Variants in TAF3 observed in about 807,000 individuals in gnomAD.
TAF3 encodes TATA-box binding protein associated factor 3.
A neutral mutation model predicts 80.6 loss-of-function variants in TAF3; 7 were observed. The observed-to-expected ratio is 0.09, with a 90% CI of 0.05 to 0.16. The LOEUF (loss-of-function observed/expected upper bound fraction) is 0.16. Among genes scored for constraint, TAF3 ranks in the 10% least tolerant of loss-of-function variants. TAF3 has a pLI of 1.00. For synonymous variants in TAF3, 444 were observed against 446.1 expected (o/e 1.00, Z 0.06); for missense variants, 921 against 1,140.2 (o/e 0.81, Z 2.77).
intron 2 of TAF3, among the ~76,000 whole-genome samples, chr10:7,919,014 G>A (rs1441511185): frequency 6.6e-6 from 1 of 152,090 alleles, no homozygotes. Flanking sequence ...CTCCTCAGAG[G>A]TTTAACAGGA....
chr10:7,999,762 G>A (rs1233442975), intron 4 of TAF3, among the ~76,000 whole-genome samples: 1 of 152,052 alleles, frequency 6.6e-6, no homozygotes, highest in African/African-American at 2.4e-5. Context: ...CAGCCCAAAT[G>A]TATTACTTTA....
chr10:7,884,819 A>G (rs1002136480), intron 2 of TAF3, among the ~76,000 whole-genome samples: 3 of 152,098 alleles, frequency 2.0e-5, no homozygotes, highest in Non-Finnish European at 4.4e-5. Context: ...ACATACATCT[A>G]TGTCTATTTC....
chr10:7,920,985 T>A (rs1837757516), intron 2 of TAF3, among the ~76,000 whole-genome samples: 1 of 152,186 alleles, frequency 6.6e-6, no homozygotes, highest in African/African-American at 2.4e-5. Context: ...CCAGCCAATC[T>A]GGAGGATATT....
intron 2 of TAF3, among the ~76,000 whole-genome samples, chr10:7,844,459 C>T (rs1352518355): frequency 2.7e-5 from 4 of 150,708 alleles, no homozygotes; most frequent in Non-Finnish European, 5.9e-5. Context: ...TCACTGCAAC[C>T]TCCGCCTCCT....
chr10:7,831,557 G>A (rs1479106036), intron 2 of TAF3, among the ~76,000 whole-genome samples: 1 of 152,152 alleles, frequency 6.6e-6, no homozygotes, highest in Non-Finnish European at 1.5e-5. Context: ...TGTTGGCCAG[G>A]CTGGTCTTGA....
intron 2 of TAF3, among the ~76,000 whole-genome samples, chr10:7,879,097 G>T (rs1184444337): frequency 2.0e-5 from 3 of 152,120 alleles, no homozygotes; most frequent in Non-Finnish European, 4.4e-5. Context: ...GAAGCTAAGA[G>T]TTTAAAAATT....
At position 8,013,870 on chromosome 10, in the gene TAF3, C is replaced by A. The variant is rs768354092; in HGVS notation, c.2675+33C>A. On this transcript the variant is annotated intron_variant, in intron 6 of 6. Coordinates refer to ENST00000344293, the MANE Select transcript of TAF3 (RefSeq NM_031923.4). ...CCCAGGGCGCCCTGCCGGCCACACT[C>A]ATTAGGCAGCATCAGCCGCTCCTGA... 3 of 1,561,564 alleles carry A rather than the reference C, an allele frequency of 1.9e-6. No homozygotes were observed. In the African/African-American group the frequency reaches 4.1e-5, roughly 21 times the overall value.
At chr10:7,851,874 T>G (rs1369862216) in intron 2 of TAF3, among the ~76,000 whole-genome samples, 1 of 151,914 alleles carries the variant, frequency 6.6e-6, no homozygotes, top group Non-Finnish European at 1.5e-5. Context: ...AGCCTCAAAC[T>G]CCCAGGCTTT....
At chr10:7,987,003 G>T (rs563274916) in intron 4 of TAF3, among the ~76,000 whole-genome samples, 1 of 152,032 alleles carries the variant, frequency 6.6e-6, no homozygotes, top group African/African-American at 2.4e-5. Context: ...TGACTGTGCC[G>T]TGTGTATTTC....
intron 2 of TAF3, among the ~76,000 whole-genome samples, chr10:7,863,644 TATACACACACAC>T (rs1564350823): frequency 1.3e-4 from 15 of 119,400 alleles, no homozygotes; most frequent in East Asian, 3.5e-4. Context: ...TATATATATA[TATACACACACAC>T]ATATATATAT....
chr10:7,871,766 CATT>C (rs2131146050), intron 2 of TAF3, among the ~76,000 whole-genome samples: 2 of 152,210 alleles, frequency 1.3e-5, no homozygotes, highest in African/African-American at 4.8e-5. Flanking sequence ...TTTGACATGA[CATT>C]ATATGCATGA....
At position 7,971,609 on chromosome 10, in the gene TAF3, ATAGAAT is replaced by A. The variant is rs1180943662; in HGVS notation, c.2233-5630_2233-5625del. Among the ~76,000 whole-genome samples the A allele has an allele frequency of 2.0e-5, 3 of 152,230 alleles. No individual in the cohort carries two copies. In the East Asian group the frequency reaches 5.8e-4, roughly 29 times the overall value. On this transcript the variant is annotated intron_variant, in intron 3 of 6. Coordinates refer to ENST00000344293, the MANE Select transcript of TAF3 (RefSeq NM_031923.4). Reference sequence around the variant, plus strand: ...CTGGAATGCATGAAAGAGTTCCAAGATAGAATTTAAATTTGAACTGATTCTTTATAG... The same window carrying A: ...CTGGAATGCATGAAAGAGTTCCAAGATTAAATTTGAACTGATTCTTTATAG...
intron 2 of TAF3, among the ~76,000 whole-genome samples, chr10:7,934,180 AACTT>A (rs1421173058): frequency 6.6e-6 from 1 of 152,236 alleles, no homozygotes; most frequent in Admixed American, 6.5e-5. Flanking sequence ...TACCTTAACC[AACTT>A]ACTTCACTTT....
chr10:7,979,602 A>G (rs1831706247), intron 4 of TAF3, among the ~76,000 whole-genome samples: 1 of 152,192 alleles, frequency 6.6e-6, no homozygotes. Flanking sequence ...GTAAACTTTC[A>G]GATATGTAGG....
intron 4 of TAF3, among the ~76,000 whole-genome samples, chr10:7,988,751 A>AG (rs746659358): frequency 2.7e-5 from 3 of 110,166 alleles, no homozygotes; most frequent in Admixed American, 1.1e-4. Flanking sequence ...TCTGTCTCTC[A>AG]GAAAAAAAAA....
At chr10:8,014,535 G>A (rs1194371075) in intron 6 of TAF3, 102 bp from the exon 7 acceptor site, 1 of 1,016,556 alleles carries the variant, frequency 9.8e-7, no homozygotes, top group South Asian at 1.7e-5. Context: ...TTGATTTCGG[G>A]TAAACATGTC....
At chr10:7,864,750 G>A (rs915056675) in intron 2 of TAF3, among the ~76,000 whole-genome samples, 9 of 151,666 alleles carry the variant, frequency 5.9e-5, no homozygotes, top group African/African-American at 2.2e-4. Flanking sequence ...TCAGCCTGTG[G>A]TTTGCTTTTT....
chr10:7,860,174 A>G (rs1837129695), intron 2 of TAF3, among the ~76,000 whole-genome samples: 1 of 151,910 alleles, frequency 6.6e-6, no homozygotes, highest in Admixed American at 6.6e-5. Context: ...TGGGAGGCTG[A>G]AGTGGGAGGA....
intron 2 of TAF3, among the ~76,000 whole-genome samples, chr10:7,897,221 C>T (rs1837513138): frequency 6.6e-6 from 1 of 152,186 alleles, no homozygotes; most frequent in Admixed American, 6.5e-5. Context: ...AGGGTCTACC[C>T]ACACCCAAAG....
Sources: allele counts gnomAD v4.1 joint callset (sites outside exome capture counted in the v4.1 genomes callset), GRCh38; gene constraint gnomAD v4.1.1; transcripts MANE v1.5; gene names NCBI Gene and HGNC (gene_info 2026-07-23, HGNC 2026-07-21).